The following DPH6 variants were observed in gnomAD, a reference collection of about 807,000 sequenced individuals.
DPH6 encodes the protein diphthamine biosynthesis 6.
In DPH6, 33 loss-of-function variants were observed where a neutral mutation model predicts 38.2. The ratio of observed to expected loss-of-function variants is 0.86; its 90% CI spans 0.65 to 1.15. DPH6 has a LOEUF of 1.15. Ranked by LOEUF, DPH6 falls within the 50% of genes most tolerant of loss-of-function variation. The pLI is 0.00. For missense variants in DPH6, 325 were observed against 320.0 expected (o/e 1.02, Z -0.12); for synonymous variants, 108 against 103.0 (o/e 1.05, Z -0.30).
intron 3 of DPH6, among the ~76,000 whole-genome samples, chr15:35,472,628 G>T (rs2054212461): frequency 6.6e-6 from 1 of 152,090 alleles, no homozygotes; most frequent in Admixed American, 6.6e-5. Context: ...GGCCCAAGAT[G>T]AGCATAAAAA....
At chr15:35,148,180 G>T in the DPH6 span, among the ~76,000 whole-genome samples, 1 of 152,092 alleles carries the variant, frequency 6.6e-6, no homozygotes, top group African/African-American at 2.4e-5. Flanking sequence ...AAATTTAATT[G>T]TTAAAAATCC....
intron 3 of DPH6, among the ~76,000 whole-genome samples, chr15:35,274,201 T>G (rs558852335): frequency 6.6e-6 from 1 of 152,240 alleles, no homozygotes; most frequent in Non-Finnish European, 1.5e-5. Flanking sequence ...GCTAGCCAGA[T>G]GCAGAAAACA....
chr15:35,460,802 A>G (rs2054056265), intron 3 of DPH6, among the ~76,000 whole-genome samples: 1 of 151,562 alleles, frequency 6.6e-6, no homozygotes, highest in Admixed American at 6.6e-5. Context: ...TCACACCTGC[A>G]GGATTGCTGG....
chr15:35,507,467 GTATATT>G (rs898516006), intron 3 of DPH6, among the ~76,000 whole-genome samples: 33 of 151,828 alleles, frequency 2.2e-4, no homozygotes, highest in African/African-American at 7.3e-4. Context: ...TTGAAACCTC[GTATATT>G]TATAAGTGCA....
At chr15:35,372,237 T>C in intron 8 of DPH6, 34 bp from the exon 9 acceptor site, 16 of 1,420,152 alleles carry the variant, frequency 1.1e-5, no homozygotes, top group Non-Finnish European at 1.5e-5. Flanking sequence ...GGAAGGAAAA[T>C]GCACCATATT....
chr15:35,402,377 A>G (rs2053231860), intron 6 of DPH6, among the ~76,000 whole-genome samples: 1 of 152,200 alleles, frequency 6.6e-6, no homozygotes, highest in Non-Finnish European at 1.5e-5. Context: ...ATCCTATGCA[A>G]TATACCTAAA....
At chr15:35,256,474 G>T (rs1241232299) in intron 3 of DPH6, among the ~76,000 whole-genome samples, 4 of 152,102 alleles carry the variant, frequency 2.6e-5, no homozygotes, top group Admixed American at 2.0e-4. Flanking sequence ...CCACATAAGT[G>T]ATATATTTTT....
At chr15:35,511,226 A>G (rs545401119) in intron 3 of DPH6, among the ~76,000 whole-genome samples, 21 of 152,196 alleles carry the variant, frequency 1.4e-4, no homozygotes, top group Non-Finnish European at 2.6e-4. Context: ...CTTCACCAAG[A>G]GACATAAAAC....
chr15:35,283,757 T>TACACACACACACACACACACAC (rs3028682), intron 3 of DPH6, among the ~76,000 whole-genome samples: 3 of 140,582 alleles, frequency 2.1e-5, no homozygotes, highest in African/African-American at 7.8e-5. Context: ...GCACAGATAG[T>TACACACACACACACACACACAC]ACACACACAC....
At chr15:35,515,917 T>A (rs751154787) in intron 3 of DPH6, among the ~76,000 whole-genome samples, 4 of 152,022 alleles carry the variant, frequency 2.6e-5, no homozygotes, top group Non-Finnish European at 1.5e-5. Flanking sequence ...ACTTTTTAAA[T>A]TCTTGGTGAT....
intron 5 of DPH6, among the ~76,000 whole-genome samples, chr15:35,413,984 G>GT (rs2053404354): frequency 6.6e-6 from 1 of 151,610 alleles, no homozygotes; most frequent in South Asian, 2.1e-4. Context: ...AATGTATTAA[G>GT]TATCTTTAGC....
chr15:35,218,111 C>G (rs1253454249), exon 4 of DPH6: 2 of 152,032 alleles, frequency 1.3e-5, no homozygotes, highest in Non-Finnish European at 2.9e-5. Flanking sequence ...CCCACAGATA[C>G]AGAGGGCCAA....
chr15:35,173,022 A>T, the DPH6 span, among the ~76,000 whole-genome samples: 1 of 152,244 alleles, frequency 6.6e-6, no homozygotes, highest in African/African-American at 2.4e-5. Context: ...TTTGTTTTGA[A>T]TGTATGAAAA....
chr15:35,385,619 T>G (rs1158585939), intron 6 of DPH6, among the ~76,000 whole-genome samples: 1 of 151,596 alleles, frequency 6.6e-6, no homozygotes, highest in Non-Finnish European at 1.5e-5. Context: ...TGTCAGGGGG[T>G]CAGGGGCTAG....
At chr15:35,239,275 A>G (rs1359130658) in intron 3 of DPH6, among the ~76,000 whole-genome samples, 1 of 142,940 alleles carries the variant, frequency 7.0e-6, no homozygotes, top group Non-Finnish European at 1.5e-5. Context: ...TTCTCCTTTC[A>G]ATCTTGGCGC....
chr15:35,375,898 C>A (rs1013506198), intron 7 of DPH6, among the ~76,000 whole-genome samples: 1 of 152,082 alleles, frequency 6.6e-6, no homozygotes, highest in African/African-American at 2.4e-5. Flanking sequence ...AGGACAACTA[C>A]GCTAAGCTGG....
At chr15:35,291,018 A>G (rs1024135853) in intron 3 of DPH6, among the ~76,000 whole-genome samples, 3 of 152,190 alleles carry the variant, frequency 2.0e-5, no homozygotes, top group Non-Finnish European at 2.9e-5. Context: ...ATTAGCCAAA[A>G]ACTAACCTAA....
At chr15:35,508,428 T>G (rs769594577) in intron 3 of DPH6, among the ~76,000 whole-genome samples, 9 of 152,178 alleles carry the variant, frequency 5.9e-5, no homozygotes, top group African/African-American at 1.9e-4. Flanking sequence ...AGAAAATGAA[T>G]GTAAAACATG....
At chr15:35,254,348 A>G (rs1459820309) in intron 3 of DPH6, among the ~76,000 whole-genome samples, 2 of 152,242 alleles carry the variant, frequency 1.3e-5, no homozygotes, top group Non-Finnish European at 2.9e-5. Context: ...TAAACTGATC[A>G]ACAACCAAAC....
Sources: gnomAD v4.1 joint callset for allele counts (sites outside exome capture counted in the v4.1 genomes callset) on GRCh38, gnomAD v4.1.1 for gene constraint, MANE v1.5 for transcripts, NCBI Gene and HGNC (gene_info 2026-07-23, HGNC 2026-07-21) for gene names.